NCOA2: variants seen among roughly 807,000 people sequenced by gnomAD.
NCOA2 encodes the protein nuclear receptor coactivator 2.
Under a neutral mutation model 145.1 loss-of-function variants are expected in NCOA2, and 21 were observed. The observed-to-expected ratio is 0.14, with a 90% CI of 0.10 to 0.21. The LOEUF is 0.21. Ranked by LOEUF, NCOA2 falls within the 10% of genes least tolerant of loss-of-function variation. NCOA2 has a pLI of 1.00. For missense variants in NCOA2, 1,472 were observed against 1,837.6 expected (o/e 0.80, Z 3.64); for synonymous variants, 619 against 637.5 (o/e 0.97, Z 0.44).
chr8:70,127,057 G>A lies in NCOA2; in HGVS notation c.3682-10C>T, dbSNP rs757836569. ...GTGCATTAATAGGTGCCTGAAATCC[G>A]GGGCAACACATGGAGGAAAATGTCG... On this transcript the variant is annotated splice_polypyrimidine_tract_variant and intron_variant, in intron 18 of 22. Coordinates refer to ENST00000452400, the MANE Select transcript of NCOA2 (RefSeq NM_006540.4). 27 of 1,586,614 alleles carry A rather than the reference G, an allele frequency of 1.7e-5. No individual in the cohort carries two copies. Among genetic ancestry groups the A allele is most frequent in the East Asian group, 6.8e-5 (3 of 44,434 alleles).
At chr8:70,401,397 AC>A (rs1814231537) in intron 1 of NCOA2, among the ~76,000 whole-genome samples, 1 of 152,188 alleles carries the variant, frequency 6.6e-6, no homozygotes, top group South Asian at 2.1e-4. Flanking sequence ...CTGGCAAACT[AC>A]ATTTTACTCA....
intron 1 of NCOA2, among the ~76,000 whole-genome samples, chr8:70,397,950 A>G (rs59597633): frequency 0.026 from 4,015 of 152,202 alleles, 166 homozygotes; most frequent in African/African-American, 0.092. Flanking sequence ...AGCAAATTGA[A>G]ATTAAGGCAT....
At chr8:70,301,920 C>T (rs571809613) in intron 1 of NCOA2, among the ~76,000 whole-genome samples, 72 of 152,182 alleles carry the variant, frequency 4.7e-4, no homozygotes, top group Middle Eastern at 3.4e-3. Context: ...GCTCAAATTA[C>T]TTAAGATTTT....
intron 2 of NCOA2, among the ~76,000 whole-genome samples, chr8:70,260,884 A>C (rs924876091): frequency 6.6e-6 from 1 of 152,204 alleles, no homozygotes; most frequent in African/African-American, 2.4e-5. Flanking sequence ...GAGAAATGCA[A>C]ATCAAAACCA....
At chr8:70,350,077 AT>A (rs1454077259) in intron 1 of NCOA2, among the ~76,000 whole-genome samples, 1 of 152,108 alleles carries the variant, frequency 6.6e-6, no homozygotes, top group African/African-American at 2.4e-5. Flanking sequence ...ACACTTCATT[AT>A]TTTTATTTAA....
intron 1 of NCOA2, among the ~76,000 whole-genome samples, chr8:70,362,222 T>C (rs1465877461): frequency 2.0e-5 from 3 of 152,068 alleles, no homozygotes; most frequent in East Asian, 1.9e-4. Flanking sequence ...AGTCAAACAA[T>C]AGAGGGAAAA....
chr8:70,122,674 A>G lies in NCOA2; in HGVS notation c.4293+1210T>C, dbSNP rs541502589. 3.9e-5 allele frequency among the ~76,000 whole-genome samples: 6 copies of G among 152,348 alleles called. No homozygotes were observed. In the East Asian group the frequency reaches 1.2e-3, roughly 29 times the overall value. On this transcript the variant is annotated intron_variant, in intron 21 of 22. Coordinates refer to ENST00000452400, the MANE Select transcript of NCOA2 (RefSeq NM_006540.4). The stretch of plus-strand genomic sequence containing the variant: ...AGCACACAACCTTCTTAAAATGCAA[A>G]GGGCTTTAAATTTTCTCATGTACCA...
chr8:70,412,351 T>G, the NCOA2 span, among the ~76,000 whole-genome samples: 1 of 151,190 alleles, frequency 6.6e-6, no homozygotes, highest in African/African-American at 2.4e-5. Flanking sequence ...TAAAGTCTAT[T>G]TGTTTAGTTT....
the NCOA2 span, among the ~76,000 whole-genome samples, chr8:70,422,672 C>T: frequency 5.3e-5 from 8 of 151,856 alleles, no homozygotes; most frequent in Admixed American, 2.0e-4. Context: ...CCCAGTGTTG[C>T]GATTACAGGT....
At chr8:70,441,597 A>G in the NCOA2 span, among the ~76,000 whole-genome samples, 3 of 151,156 alleles carry the variant, frequency 2.0e-5, no homozygotes, top group Admixed American at 6.6e-5. Flanking sequence ...AAGAAAGAAG[A>G]GAGAGAGAAA....
intron 22 of NCOA2, among the ~76,000 whole-genome samples, chr8:70,115,159 T>C (rs1477932145): frequency 2.0e-5 from 3 of 152,188 alleles, no homozygotes; most frequent in Non-Finnish European, 4.4e-5. Context: ...TATTTATTTA[T>C]TTATTTTTGA....
At position 70,115,172 on chromosome 8, in the gene NCOA2, C is replaced by T. The variant is rs528208966; in HGVS notation, c.4384-1529G>A. Among the ~76,000 whole-genome samples the T allele has an allele frequency of 3.3e-5, 5 of 151,998 alleles. No individual in the cohort carries two copies. The East Asian group carries it at 5.8e-4, about 18-fold the overall frequency. On this transcript the variant is annotated intron_variant, in intron 22 of 22. Transcript: ENST00000452400. ...TTTATTTATTTATTTATTTTTGAGA[C>T]GGAGTTTCGCTCTTGTTGCCCAGGC... is the stretch of plus-strand genomic sequence containing the variant.
intron 2 of NCOA2, among the ~76,000 whole-genome samples, chr8:70,279,259 A>C (rs190552152): frequency 8.5e-5 from 13 of 152,126 alleles, no homozygotes; most frequent in East Asian, 3.9e-4. Context: ...TTATGATGGA[A>C]CTGTTTATTT....
At chr8:70,330,717 C>T (rs1028197319) in intron 1 of NCOA2, among the ~76,000 whole-genome samples, 1 of 152,018 alleles carries the variant, frequency 6.6e-6, no homozygotes, top group Non-Finnish European at 1.5e-5. Flanking sequence ...AAATGCTGAA[C>T]ACAAGTTAAC....
intron 4 of NCOA2, among the ~76,000 whole-genome samples, chr8:70,184,541 CA>C (rs1815837376): frequency 6.6e-6 from 1 of 152,090 alleles, no homozygotes; most frequent in South Asian, 2.1e-4. Context: ...ACCTATAAAG[CA>C]GCGCTTTATA....
At chr8:70,273,962 T>A in intron 2 of NCOA2, 1 of 365,064 alleles carries the variant, frequency 2.7e-6, no homozygotes, top group Middle Eastern at 9.9e-4. Context: ...TGATAAAATC[T>A]AGATCTCTAA....
chr8:70,264,744 T>A (rs1260382323), intron 2 of NCOA2, among the ~76,000 whole-genome samples: 2 of 151,690 alleles, frequency 1.3e-5, no homozygotes, highest in African/African-American at 4.9e-5. Context: ...TAAATGCAGA[T>A]CAAGAGAAAA....
chr8:70,313,643 G>A (rs1805308303), intron 1 of NCOA2, among the ~76,000 whole-genome samples: 1 of 152,018 alleles, frequency 6.6e-6, no homozygotes, highest in African/African-American at 2.4e-5. Flanking sequence ...AAAACTGGAA[G>A]AATTAACAAC....
At chr8:70,356,359 T>C (rs1199937023) in intron 1 of NCOA2, among the ~76,000 whole-genome samples, 2 of 151,988 alleles carry the variant, frequency 1.3e-5, no homozygotes, top group African/African-American at 2.4e-5. Flanking sequence ...CCAATAAGTA[T>C]CCCTGCAGCA....
Sources: gnomAD v4.1 joint callset for allele counts (sites outside exome capture counted in the v4.1 genomes callset) on GRCh38, gnomAD v4.1.1 for gene constraint, MANE v1.5 for transcripts, NCBI Gene and HGNC (gene_info 2026-07-23, HGNC 2026-07-21) for gene names.